The following MARCHF3 variants were observed in gnomAD, a reference collection of about 807,000 sequenced individuals.
MARCHF3 encodes the protein E3 ubiquitin-protein ligase MARCHF3.
MARCHF3 carries 13 observed loss-of-function variants against 24.2 expected under a neutral mutation model. The ratio of observed to expected loss-of-function variants is 0.54; its 90% CI spans 0.35 to 0.85. The LOEUF is 0.85. Among genes scored for constraint, MARCHF3 ranks in the 40% least tolerant of loss-of-function variants. The pLI, the probability that MARCHF3 is intolerant of heterozygous loss-of-function variation, is 0.01. For synonymous variants in MARCHF3, 144 were observed against 137.3 expected, an observed-to-expected ratio of 1.05 and a Z score of -0.34; for missense variants, 276 against 325.0, an observed-to-expected ratio of 0.85 and a Z score of 1.16.
chr5:126,876,969 G>T (rs1753182735), intron 4 of MARCHF3, among the ~76,000 whole-genome samples: 1 of 152,210 alleles, frequency 6.6e-6, no homozygotes, highest in Non-Finnish European at 1.5e-5. Context: ...GACTTCTAAA[G>T]GAAGCAATAA....
At chr5:126,944,609 T>C (rs1749947153) in intron 1 of MARCHF3, among the ~76,000 whole-genome samples, 1 of 152,134 alleles carries the variant, frequency 6.6e-6, no homozygotes, top group African/African-American at 2.4e-5. Context: ...ATAATAATCA[T>C]GATCATCATC....
chr5:127,016,951 C>T (rs1752654141), intron 1 of MARCHF3, among the ~76,000 whole-genome samples: 1 of 152,166 alleles, frequency 6.6e-6, no homozygotes, highest in East Asian at 1.9e-4. Flanking sequence ...AGGATGAGTT[C>T]ATGTCCTTTG....
chr5:126,935,714 G>A (rs1225699826), intron 1 of MARCHF3, among the ~76,000 whole-genome samples: 1 of 143,252 alleles, frequency 7.0e-6, no homozygotes, highest in African/African-American at 2.6e-5. Context: ...GGGTTCAAGC[G>A]ATTCTCCTGC....
At chr5:127,011,258 A>T (rs12515192) in intron 1 of MARCHF3, among the ~76,000 whole-genome samples, 1 of 151,942 alleles carries the variant, frequency 6.6e-6, no homozygotes, top group African/African-American at 2.4e-5. Context: ...ATCAGCCAGG[A>T]TACTTCTGTG....
At chr5:126,980,183 A>G (rs937029325) in intron 1 of MARCHF3, among the ~76,000 whole-genome samples, 1 of 152,098 alleles carries the variant, frequency 6.6e-6, no homozygotes, top group African/African-American at 2.4e-5. Context: ...TGCAGAGACT[A>G]GTAGATCCTG....
intron 1 of MARCHF3, among the ~76,000 whole-genome samples, chr5:126,940,854 G>T: frequency 6.6e-6 from 1 of 151,924 alleles, no homozygotes; most frequent in Non-Finnish European, 1.5e-5. Context: ...GAGTATATGA[G>T]ATGTTTTGAA....
chr5:127,010,973 T>C (rs1258630155), intron 1 of MARCHF3, among the ~76,000 whole-genome samples: 1 of 152,190 alleles, frequency 6.6e-6, no homozygotes, highest in Non-Finnish European at 1.5e-5. Flanking sequence ...TGAATGTATT[T>C]ACTACCACTG....
At chr5:126,901,829 T>C (rs567576711) in intron 3 of MARCHF3, among the ~76,000 whole-genome samples, 1 of 152,230 alleles carries the variant, frequency 6.6e-6, no homozygotes, top group South Asian at 2.1e-4. Context: ...CCTTGTTATT[T>C]CAGCAGGACT....
intron 1 of MARCHF3, among the ~76,000 whole-genome samples, chr5:126,972,306 G>A (rs533174158): frequency 6.6e-6 from 1 of 151,474 alleles, no homozygotes; most frequent in South Asian, 2.1e-4. Flanking sequence ...ACCAGGAAGT[G>A]AGATTCATGT....
At chr5:126,908,315 C>T (rs1031442733) in intron 3 of MARCHF3, among the ~76,000 whole-genome samples, 6 of 152,024 alleles carry the variant, frequency 3.9e-5, no homozygotes, top group East Asian at 1.9e-4. Context: ...TTGCTCTTCT[C>T]GAGGAGTATC....
At chr5:127,012,190 T>C (rs1432922217) in intron 1 of MARCHF3, among the ~76,000 whole-genome samples, 1 of 152,248 alleles carries the variant, frequency 6.6e-6, no homozygotes, top group Admixed American at 6.5e-5. Context: ...GTTATTTTTA[T>C]ATTTAGCACA....
Position 126,918,067 on chromosome 5 carries a change from A to G in MARCHF3, c.105T>C (p.Asn35=), listed in dbSNP as rs1352472421. The G allele has an allele frequency of 1.2e-6, 2 of 1,614,030 alleles. No homozygotes were observed. The highest frequency in any genetic ancestry group is 1.7e-5 in the Admixed American group (1 of 60,004). ...CTTGCATGACATACTGCGGCTGCCC[A>G]TTCACTAGGCTGCCACAATCCTCCA... is the stretch of plus-strand genomic sequence containing the variant. ...KTVEDCGSLV[N]GQPQYVMQVS... The change falls in exon 2 of 5, where the codon AAT becomes AAC. Residue 35 remains asparagine, a synonymous_variant. Transcript: ENST00000308660.
At chr5:126,934,229 G>C (rs1436477103) in intron 1 of MARCHF3, among the ~76,000 whole-genome samples, 1 of 151,852 alleles carries the variant, frequency 6.6e-6, no homozygotes, top group Admixed American at 6.6e-5. Context: ...TTTTTCACAA[G>C]TGCTTGGCAT....
chr5:126,874,203 G>T (rs1030938468), intron 4 of MARCHF3, among the ~76,000 whole-genome samples: 6 of 152,236 alleles, frequency 3.9e-5, no homozygotes, highest in African/African-American at 1.4e-4. Context: ...AGTTGTGATC[G>T]CATGAATATT....
At chr5:127,018,160 C>G (rs1437577484) in intron 1 of MARCHF3, among the ~76,000 whole-genome samples, 2 of 152,180 alleles carry the variant, frequency 1.3e-5, no homozygotes. Flanking sequence ...CACCTGAGGT[C>G]AGGAGTATAA....
At chr5:126,908,901 T>G (rs2126788197) in intron 3 of MARCHF3, among the ~76,000 whole-genome samples, 1 of 152,314 alleles carries the variant, frequency 6.6e-6, no homozygotes, top group South Asian at 2.1e-4. Flanking sequence ...GGTGCTCTGC[T>G]TTTTAGAGTT....
At chr5:126,877,902 T>C (rs1454819608) in intron 4 of MARCHF3, among the ~76,000 whole-genome samples, 1 of 152,096 alleles carries the variant, frequency 6.6e-6, no homozygotes, top group Non-Finnish European at 1.5e-5. Flanking sequence ...CCTAGACTAC[T>C]AGAGGAGAGA....
rs10653981 is a variant in MARCHF3, at chr5:126,869,582, C to CTTTTTTTTTTTTTTT, written c.*1036_*1050dup. On this transcript the variant is annotated 3_prime_UTR_variant, in exon 5 of 5. Transcript: ENST00000308660. ...ATAAGTGCAGGGCTGCTAGGACAGG[C>CTTTTTTTTTTTTTTT]TTTTTTTTTTTTTTTTTTTTTTGCC... The CTTTTTTTTTTTTTTT allele has an allele frequency of 3.8e-5, 3 of 79,832 alleles. No individual in the cohort carries two copies. The highest frequency in any genetic ancestry group is 1.8e-4 in the Admixed American group (1 of 5,410). 4.9% of individuals were successfully genotyped at this position (79,832 alleles called of 1,614,324 possible). A position where few individuals can be genotyped will look rare whatever the true frequency, so the allele number is the denominator to read the frequency against.
At chr5:126,921,833 C>T (rs1580645892) in intron 1 of MARCHF3, among the ~76,000 whole-genome samples, 1 of 152,198 alleles carries the variant, frequency 6.6e-6, no homozygotes, top group South Asian at 2.1e-4. Context: ...TGATTTGGCA[C>T]TGGCCAAACT....
Sources: gnomAD v4.1 joint callset for allele counts (sites outside exome capture counted in the v4.1 genomes callset) on GRCh38, gnomAD v4.1.1 for gene constraint, MANE v1.5 for transcripts, NCBI Gene and HGNC (gene_info 2026-07-23, HGNC 2026-07-21) for gene names.